The following CHLSN variants were observed in gnomAD, a reference collection of about 807,000 sequenced individuals.
CHLSN encodes protein cholesin.
At chr7:1,086,007 C>T in the CHLSN span, among the ~76,000 whole-genome samples, 683 of 152,328 alleles carry the variant, frequency 4.5e-3, 5 homozygotes, top group African/African-American at 0.015. Flanking sequence ...GTTACTTACC[C>T]GCCCAGTGCC....
the CHLSN span, among the ~76,000 whole-genome samples, chr7:1,105,288 G>C: frequency 1.3e-5 from 2 of 152,180 alleles, no homozygotes; most frequent in East Asian, 3.9e-4. Context: ...GAAGACAACA[G>C]CCCCAGAAAC....
chr7:1,083,274 C>G, the CHLSN span, among the ~76,000 whole-genome samples: 5 of 152,330 alleles, frequency 3.3e-5, no homozygotes, highest in East Asian at 9.6e-4. Context: ...CAGGGGCTGA[C>G]GGGCCAGATG....
chr7:1,117,006 G>A, the CHLSN span, among the ~76,000 whole-genome samples: 498 of 38,030 alleles, frequency 0.013, 29 homozygotes, highest in African/African-American at 0.041. Flanking sequence ...CGACGCCCAC[G>A]CAGGATGATG....
chr7:1,136,362 A>C, the CHLSN span, among the ~76,000 whole-genome samples: 1 of 29,760 alleles, frequency 3.4e-5, no homozygotes, highest in Non-Finnish European at 6.1e-5. Flanking sequence ...ATATAAACAT[A>C]TATATAAATA....
the CHLSN span, among the ~76,000 whole-genome samples, chr7:1,120,134 T>A: frequency 6.6e-6 from 1 of 152,062 alleles, no homozygotes; most frequent in Non-Finnish European, 1.5e-5. Flanking sequence ...ACTACACCTA[T>A]AAGAGCAGCC....
the CHLSN span, among the ~76,000 whole-genome samples, chr7:1,012,895 G>C: frequency 6.6e-6 from 1 of 152,252 alleles, no homozygotes; most frequent in Admixed American, 6.5e-5. Context: ...TCCTGGACCA[G>C]GCAATTCCCC....
the CHLSN span, among the ~76,000 whole-genome samples, chr7:1,100,519 T>C: frequency 6.6e-6 from 1 of 152,194 alleles, no homozygotes; most frequent in Non-Finnish European, 1.5e-5. Context: ...AGCCTCCACC[T>C]CACCAAGCGG....
the CHLSN span, chr7:997,624 A>G: frequency 1.9e-6 from 3 of 1,602,082 alleles, no homozygotes; most frequent in African/African-American, 2.7e-5. Context: ...CGCTGAACCC[A>G]CTAGGAGAGC....
chr7:1,005,018 G>A, the CHLSN span, among the ~76,000 whole-genome samples: 1 of 152,228 alleles, frequency 6.6e-6, no homozygotes, highest in African/African-American at 2.4e-5. Flanking sequence ...GGGGCGGCTG[G>A]GAACAGTGGC....
chr7:1,083,660 G>A, the CHLSN span, among the ~76,000 whole-genome samples: 4 of 151,498 alleles, frequency 2.6e-5, no homozygotes, highest in Non-Finnish European at 5.9e-5. Flanking sequence ...AAAAAAACAC[G>A]AGAGTGTGGA....
At chr7:1,038,243 C>T in the CHLSN span, among the ~76,000 whole-genome samples, 6 of 89,902 alleles carry the variant, frequency 6.7e-5, 1 homozygote, top group South Asian at 4.3e-4. Flanking sequence ...CCGTGCCATC[C>T]GGGAGGGAGG....
the CHLSN span, among the ~76,000 whole-genome samples, chr7:1,081,227 G>A: frequency 6.6e-6 from 1 of 152,236 alleles, no homozygotes; most frequent in African/African-American, 2.4e-5. Flanking sequence ...CCTAGGCCGG[G>A]TGGGGGTGAG....
chr7:1,110,813 A>T, the CHLSN span, among the ~76,000 whole-genome samples: 3 of 145,662 alleles, frequency 2.1e-5, no homozygotes, highest in East Asian at 2.0e-4. Context: ...AGAAGTGGTT[A>T]AAAAAAAAAA....
chr7:1,036,612 A>G, the CHLSN span, among the ~76,000 whole-genome samples: 1 of 152,172 alleles, frequency 6.6e-6, no homozygotes, highest in Non-Finnish European at 1.5e-5. Flanking sequence ...GAGGGTGTAC[A>G]TGCAAACTCC....
At chr7:984,970 G>A in the CHLSN span, 22 of 1,605,562 alleles carry the variant, frequency 1.4e-5, no homozygotes, top group South Asian at 2.1e-4. Context: ...CTCATCTGGG[G>A]CGCGCTGGAG....
the CHLSN span, among the ~76,000 whole-genome samples, chr7:1,018,438 G>C: frequency 6.6e-6 from 1 of 152,148 alleles, no homozygotes; most frequent in African/African-American, 2.4e-5. Flanking sequence ...GCCCCGAGCA[G>C]AGAGGAGATG....
the CHLSN span, among the ~76,000 whole-genome samples, chr7:982,563 C>A: frequency 6.6e-6 from 1 of 152,268 alleles, no homozygotes; most frequent in Non-Finnish European, 1.5e-5. Flanking sequence ...ATCCCCTGCC[C>A]GGGCGGCAGC....
the CHLSN span, among the ~76,000 whole-genome samples, chr7:1,079,637 G>C: frequency 6.6e-6 from 1 of 152,236 alleles, no homozygotes; most frequent in Non-Finnish European, 1.5e-5. Context: ...CGTGTGACGG[G>C]AAGTGGCAGG....
At chr7:1,016,872 G>C in the CHLSN span, among the ~76,000 whole-genome samples, 4 of 88,414 alleles carry the variant, frequency 4.5e-5, no homozygotes, top group South Asian at 9.4e-4. Flanking sequence ...GCACACAGCA[G>C]CGCACAGCAG....
Sources: gnomAD v4.1 joint callset for allele counts (sites outside exome capture counted in the v4.1 genomes callset) on GRCh38, gnomAD v4.1.1 for gene constraint, MANE v1.5 for transcripts, NCBI Gene and HGNC (gene_info 2026-07-23, HGNC 2026-07-21) for gene names.